The following HERC2 variants were observed in gnomAD, a reference collection of about 807,000 sequenced individuals.
HERC2 encodes HECT and RLD domain containing E3 ubiquitin protein ligase 2, also known as E3 ubiquitin-protein ligase HERC2.
Under a neutral mutation model 537.7 loss-of-function variants are expected in HERC2, and 102 were observed. The ratio of observed to expected loss-of-function variants is 0.19; its 90% confidence interval spans 0.16 to 0.22. HERC2 has a LOEUF of 0.22. HERC2 is among the 10% of genes least tolerant of loss of function. HERC2 has a pLI of 1.00. For missense variants in HERC2, 4,236 were observed against 6,198.2 expected, an observed-to-expected ratio of 0.68 and a Z score of 10.63; for synonymous variants, 2,224 against 2,466.2, an observed-to-expected ratio of 0.90 and a Z score of 2.91.
intron 69 of HERC2, among the ~76,000 whole-genome samples, chr15:28,158,023 G>C (rs375076595): frequency 6.6e-6 from 1 of 151,986 alleles, no homozygotes; most frequent in Admixed American, 6.6e-5. Context: ...CAGGTTGTTC[G>C]GTTTCCATGT....
chr15:28,304,391 G>A (rs1440503625), intron 2 of HERC2, among the ~76,000 whole-genome samples: 1 of 144,900 alleles, frequency 6.9e-6, no homozygotes, highest in Non-Finnish European at 1.5e-5. Context: ...TTCCTGAGAT[G>A]GAGTCTTGCT....
At chr15:28,233,111 C>T (rs766138348) in intron 30 of HERC2, 35 bp downstream of exon 30, 2 of 1,540,514 alleles carry the variant, frequency 1.3e-6, no homozygotes, top group African/African-American at 2.8e-5. Context: ...GAAGCACAAG[C>T]TTTAATAGTA....
At chr15:28,149,272 T>C (rs1288472726) in intron 70 of HERC2, among the ~76,000 whole-genome samples, 1 of 147,428 alleles carries the variant, frequency 6.8e-6, no homozygotes, top group African/African-American at 2.5e-5. Context: ...CGTGTTCTAG[T>C]AAAATTACCG....
intron 2 of HERC2, among the ~76,000 whole-genome samples, chr15:28,305,337 T>C (rs1242586987): frequency 6.6e-6 from 1 of 152,000 alleles, no homozygotes; most frequent in Non-Finnish European, 1.5e-5. Context: ...GACATATAGA[T>C]CAATGGAACA....
At position 28,227,781 on chromosome 15, in the gene HERC2, T is replaced by C. The variant is rs139274538; in HGVS notation, c.5464+437A>G. ...CAACAGATAAATGAACAAAATGTTATATATTCATACAATGAAATCTTTTTC... is the reference window on the plus strand; with the variant it reads ...CAACAGATAAATGAACAAAATGTTACATATTCATACAATGAAATCTTTTTC... On this transcript the variant is annotated intron_variant, in intron 35 of 92. Transcript: ENST00000261609. 4.4e-3 allele frequency among the ~76,000 whole-genome samples: 664 copies of C among 152,342 alleles called. 7 individuals carry two copies. The highest frequency in any genetic ancestry group is 0.015 in the African/African-American group (621 of 41,578).
chr15:28,186,820 C>A, intron 55 of HERC2, 68 bp from the exon 56 acceptor site: 1 of 1,183,064 alleles, frequency 8.5e-7, no homozygotes, highest in Non-Finnish European at 1.2e-6. Context: ...AACTGGAGAA[C>A]GGGATGTGTG....
At chr15:28,160,048 A>G (rs1893418652) in intron 69 of HERC2, among the ~76,000 whole-genome samples, 2 of 152,208 alleles carry the variant, frequency 1.3e-5, no homozygotes, top group African/African-American at 4.8e-5. Context: ...CAGAACAGCG[A>G]ATATTGCTGA....
Position 28,191,631 on chromosome 15 carries a change from T to C in HERC2, c.8451+330A>G, listed in dbSNP as rs183284907. On this transcript the variant is annotated intron_variant, in intron 53 of 92. Transcript: ENST00000261609. ...CAGCACTCCAATGTGCAACACAAAT[T>C]TGCTAGACTATACTAGAAAAACTTC... Among the ~76,000 whole-genome samples, 619 of 152,254 alleles carry C rather than the reference T, an allele frequency of 4.1e-3. 1 individual carries two copies. The highest frequency in any genetic ancestry group is 5.9e-3 in the Non-Finnish European group (399 of 68,018).
intron 3 of HERC2, among the ~76,000 whole-genome samples, chr15:28,298,007 GT>G (rs2076515741): frequency 1.2e-5 from 1 of 81,834 alleles, no homozygotes. Flanking sequence ...GTCAGTTATT[GT>G]GTGTGTGTGT....
chr15:28,168,481 T>C lies in HERC2; in HGVS notation c.10339A>G (p.Asn3447Asp). ...SDASAMASPM[N>D]GEECMLAVDI... is the part of the protein sequence containing the mutation. ...ACAGCCAGCATGCATTCTTCTCCATTCATGGGACTAGCCATCGCAGATGCG... is the reference window on the plus strand; with the variant it reads ...ACAGCCAGCATGCATTCTTCTCCATCCATGGGACTAGCCATCGCAGATGCG... The change falls in exon 67 of 93, where the codon AAT becomes GAT. Residue 3447 changes from asparagine to aspartate, a missense_variant. Around this residue, in one of 27 missense-constraint regions of HERC2, gnomAD observed 356 missense variants for 450.9 expected, o/e 0.79. Coordinates refer to ENST00000261609, the MANE Select transcript of HERC2 (RefSeq NM_004667.6). The C allele has an allele frequency of 6.2e-7, 1 of 1,614,234 alleles. No individual in the cohort carries two copies. Among genetic ancestry groups the C allele is most frequent in the Non-Finnish European group, 8.5e-7 (1 of 1,180,040 alleles).
intron 4 of HERC2, among the ~76,000 whole-genome samples, chr15:28,285,662 C>A (rs2076136999): frequency 6.6e-6 from 1 of 151,012 alleles, no homozygotes; most frequent in African/African-American, 2.4e-5. Flanking sequence ...GCAAAATCAA[C>A]CCAAAAGTAA....
intron 65 of HERC2, among the ~76,000 whole-genome samples, chr15:28,170,215 T>C (rs1894551875): frequency 6.6e-6 from 1 of 152,196 alleles, no homozygotes; most frequent in Middle Eastern, 3.4e-3. Flanking sequence ...GAAATGTACA[T>C]GGAAAGGCAA....
At position 28,268,493 on chromosome 15, in the gene HERC2, C is replaced by T. The variant is rs1407559772; in HGVS notation, c.1570G>A (p.Gly524Ser). Residue 524 changes from glycine to serine, a missense_variant, in exon 12 of 93, where the codon GGC (glycine) becomes AGC (serine). By Grantham distance (56) the Gly-to-Ser change is moderately conservative. Transcript: ENST00000261609. This position sits in a 1 kb window ranked among gnomAD's most constrained non-coding sequence, Gnocchi z 4.7. ...GTGTCCCCATGGCCCAGCCGTCCGC[C>T]GTCCCCACAGCCCCAGGAGTACACC... ...GEVYSWGCGD[G>S]GRLGHGDTVP... 11 of 1,614,032 alleles carry T rather than the reference C, an allele frequency of 6.8e-6. No individual in the cohort carries two copies. The highest frequency in any genetic ancestry group is 2.2e-5 in the South Asian group (2 of 91,066).
chr15:28,264,937 T>G (rs2075520776), intron 14 of HERC2, among the ~76,000 whole-genome samples: 1 of 152,014 alleles, frequency 6.6e-6, no homozygotes, highest in African/African-American at 2.4e-5. Flanking sequence ...TACAGGGAAG[T>G]ATCTAAAATG....
intron 2 of HERC2, chr15:28,320,574 C>A (rs1363034408): frequency 1.3e-5 from 2 of 151,976 alleles, no homozygotes; most frequent in African/African-American, 4.8e-5. Flanking sequence ...ACAGTCAAGG[C>A]ACATTACTTA....
chr15:28,251,845 G>T (rs1272712636), intron 20 of HERC2, among the ~76,000 whole-genome samples: 1 of 152,110 alleles, frequency 6.6e-6, no homozygotes, highest in African/African-American at 2.4e-5. Context: ...TATCCCAACA[G>T]ATTGAAAATA....
chr15:28,278,403 C>G (rs1410983985), intron 5 of HERC2, among the ~76,000 whole-genome samples: 1 of 152,102 alleles, frequency 6.6e-6, no homozygotes. Flanking sequence ...AAAATCATCT[C>G]TAGATTACTA....
chr15:28,160,180 A>T (rs185456492), intron 69 of HERC2, among the ~76,000 whole-genome samples: 198 of 152,338 alleles, frequency 1.3e-3, no homozygotes, highest in African/African-American at 4.6e-3. Flanking sequence ...CTCGGGGGTC[A>T]GGGACCCACT....
At chr15:28,267,808 C>T (rs2075609973) in intron 12 of HERC2, among the ~76,000 whole-genome samples, 1 of 152,260 alleles carries the variant, frequency 6.6e-6, no homozygotes, top group South Asian at 2.1e-4. Context: ...TCATTTCAAG[C>T]TCTGCACTGC....
Sources: allele counts gnomAD v4.1 joint callset (sites outside exome capture counted in the v4.1 genomes callset), GRCh38; gene constraint gnomAD v4.1.1; regional missense constraint gnomAD v4.1.1; non-coding constraint Gnocchi (gnomAD v3.1); transcripts MANE v1.5; gene names NCBI Gene and HGNC (gene_info 2026-07-23, HGNC 2026-07-21).